Variants in SDC2 observed in about 807,000 individuals in gnomAD.
SDC2 encodes syndecan 2, also known as syndecan-2.
A neutral mutation model predicts 22.2 loss-of-function variants in SDC2; 13 were observed. That is an observed-to-expected ratio of 0.59 (90% confidence interval 0.38 to 0.93). SDC2 has a LOEUF of 0.93. SDC2 is among the 40% of genes least tolerant of loss of function. SDC2 has a pLI of 0.00. For synonymous variants in SDC2, 94 were observed against 92.8 expected (o/e 1.01, Z -0.07); for missense variants, 235 against 246.8 (o/e 0.95, Z 0.32).
intron 1 of SDC2, among the ~76,000 whole-genome samples, chr8:96,587,124 G>A (rs532989886): frequency 3.6e-4 from 54 of 152,086 alleles, no homozygotes; most frequent in African/African-American, 7.2e-4. Flanking sequence ...GGGTTTCACC[G>A]TCTTGGCCAG....
At chr8:96,520,435 G>A (rs137987679) in intron 1 of SDC2, among the ~76,000 whole-genome samples, 10 of 152,306 alleles carry the variant, frequency 6.6e-5, no homozygotes, top group African/African-American at 2.2e-4. Context: ...TTGTCAAAGT[G>A]ATTAGAGGAG....
chr8:96,603,457 A>G (rs1484711609), intron 3 of SDC2, among the ~76,000 whole-genome samples: 3 of 152,238 alleles, frequency 2.0e-5, no homozygotes, highest in Admixed American at 2.0e-4. Context: ...ATGGCTTAAG[A>G]AAACTCAGAA....
At chr8:96,589,407 TTTGTTTG>T (rs1396233698) in intron 1 of SDC2, among the ~76,000 whole-genome samples, 1 of 151,038 alleles carries the variant, frequency 6.6e-6, no homozygotes, top group Non-Finnish European at 1.5e-5. Flanking sequence ...TGTTTGTTTG[TTTGTTTG>T]TTGTTTGTTT....
intron 1 of SDC2, among the ~76,000 whole-genome samples, chr8:96,573,083 C>G (rs1438801670): frequency 6.6e-6 from 1 of 152,114 alleles, no homozygotes; most frequent in Non-Finnish European, 1.5e-5. Context: ...TCAGATGCAT[C>G]TGCATAAATA....
At chr8:96,604,329 G>A (rs1479328136) in intron 3 of SDC2, among the ~76,000 whole-genome samples, 1 of 152,118 alleles carries the variant, frequency 6.6e-6, no homozygotes, top group Non-Finnish European at 1.5e-5. Context: ...TTTGGCAGGT[G>A]AATTTAAAAA....
At chr8:96,548,301 A>G (rs1813969043) in intron 1 of SDC2, among the ~76,000 whole-genome samples, 1 of 152,214 alleles carries the variant, frequency 6.6e-6, no homozygotes, top group Non-Finnish European at 1.5e-5. Context: ...GTACAGTTAC[A>G]GGTTGGGCAT....
At chr8:96,555,763 A>C (rs1441941356) in intron 1 of SDC2, among the ~76,000 whole-genome samples, 1 of 152,128 alleles carries the variant, frequency 6.6e-6, no homozygotes, top group Non-Finnish European at 1.5e-5. Context: ...TTTCTTCACC[A>C]ATGTATTTTC....
rs144214038 is a variant in SDC2 at position 96,506,891 on chromosome 8, C to G, written c.60+12560C>G. Among the ~76,000 whole-genome samples, 854 of 152,002 alleles carry G rather than the reference C, an allele frequency of 5.6e-3. 6 individuals are homozygous for G. The highest frequency in any genetic ancestry group is 0.018 in the African/African-American group (757 of 41,454). ...GGGTGTGGTGGCGGGCGCCTGTAGTCCCAGCTACTCGGGAGGCTGAGGTGG... is the reference window on the plus strand; with the variant it reads ...GGGTGTGGTGGCGGGCGCCTGTAGTGCCAGCTACTCGGGAGGCTGAGGTGG... On this transcript the variant is annotated intron_variant, in intron 1 of 4. Transcript: ENST00000302190.
intron 1 of SDC2, among the ~76,000 whole-genome samples, chr8:96,500,765 C>A (rs1359422869): frequency 1.3e-5 from 2 of 151,508 alleles, no homozygotes; most frequent in African/African-American, 4.9e-5. Flanking sequence ...TTTGATAAGT[C>A]TGTTTCTAGG....
rs372957825 is a variant in SDC2, at chr8:96,575,076, C to T, written c.61-18404C>T. 4.2e-4 allele frequency among the ~76,000 whole-genome samples: 64 copies of T among 152,286 alleles called. No homozygotes were observed. In the South Asian group the frequency reaches 0.011, roughly 26 times the overall value. On this transcript the variant is annotated intron_variant, in intron 1 of 4. Transcript: ENST00000302190. ...GAGCTCAGGTGGTAATGCTCACTGG[C>T]GGCTCACCTCTGCTGTGCAGCCTGG... is the stretch of plus-strand genomic sequence containing the variant.
At chr8:96,542,878 C>T (rs1813874620) in intron 1 of SDC2, among the ~76,000 whole-genome samples, 1 of 152,118 alleles carries the variant, frequency 6.6e-6, no homozygotes, top group South Asian at 2.1e-4. Flanking sequence ...TTAATAGCTC[C>T]CCCTTTAAGA....
At chr8:96,571,499 G>A (rs146664254) in intron 1 of SDC2, among the ~76,000 whole-genome samples, 156 of 152,298 alleles carry the variant, frequency 1.0e-3, no homozygotes, top group African/African-American at 3.7e-3. Context: ...TAAACCATGC[G>A]AAATTGCTGG....
chr8:96,538,966 T>C (rs1215299024), intron 1 of SDC2: 1 of 152,258 alleles, frequency 6.6e-6, no homozygotes, highest in African/African-American at 2.4e-5. Flanking sequence ...GGTTGAGCTG[T>C]CTTTGATTGA....
chr8:96,549,036 A>G (rs1813982410), intron 1 of SDC2, among the ~76,000 whole-genome samples: 1 of 152,162 alleles, frequency 6.6e-6, no homozygotes, highest in Non-Finnish European at 1.5e-5. Context: ...TGCCCCAGTA[A>G]ATTGAACTCG....
chr8:96,593,964 A>G (rs1814829426), intron 2 of SDC2, among the ~76,000 whole-genome samples: 1 of 152,156 alleles, frequency 6.6e-6, no homozygotes, highest in African/African-American at 2.4e-5. Flanking sequence ...TGTCATGGAA[A>G]CCACCCTTCA....
rs1329448270 is a variant in SDC2, at chr8:96,565,097, T to TTTTTTTTTTTTTTTTTTTG, written c.61-28381_61-28380insTTTTTTTTTTTTTTTTGTT. ...ATCCTAAATTTGATTTTTTTTTTTTTTTGTTGAGATGGGGAGTGTTGCTCT... is the reference window on the plus strand; with the variant it reads ...ATCCTAAATTTGATTTTTTTTTTTTTTTTTTTTTTTTTTTTTTTGTTGTTGAGATGGGGAGTGTTGCTCT... On this transcript the variant is annotated intron_variant, in intron 1 of 4. Transcript: ENST00000302190. 8.5e-5 allele frequency among the ~76,000 whole-genome samples: 11 copies of TTTTTTTTTTTTTTTTTTTG among 128,666 alleles called. 1 individual carries two copies. Among genetic ancestry groups the TTTTTTTTTTTTTTTTTTTG allele is most frequent in the African/African-American group, 2.9e-4 (9 of 31,344 alleles). 84.4% of individuals were successfully genotyped at this position (128,666 alleles called of 152,430 possible).
chr8:96,535,982 GAAAAACC>G (rs1813748083), intron 1 of SDC2, among the ~76,000 whole-genome samples: 1 of 152,020 alleles, frequency 6.6e-6, no homozygotes, highest in Admixed American at 6.6e-5. Flanking sequence ...TATAGAAAGG[GAAAAACC>G]AAAAAGAAAT....
Position 96,596,958 on chromosome 8 carries a change from G to C in SDC2, c.172+3367G>C, listed in dbSNP as rs534763790. On this transcript the variant is annotated intron_variant, in intron 2 of 4. Coordinates refer to ENST00000302190, the MANE Select transcript of SDC2 (RefSeq NM_002998.4). ...ATTGGTGGCATTCAGTGGAGGGTGA[G>C]AGTGATGTTAAACTCAGGATGATTG... is the stretch of plus-strand genomic sequence containing the variant. 5.9e-5 allele frequency among the ~76,000 whole-genome samples: 9 copies of C among 152,276 alleles called. No homozygotes were observed. The East Asian group carries it at 1.7e-3, about 29-fold the overall frequency.
rs117199008 is a variant in SDC2 at position 96,543,654 on chromosome 8, C to T, written c.60+49323C>T. ...TCTAGGGTTGCTCCATCAAGCAGCC[C>T]GGCAGTCTTAGCCGCATCCTGTGTC... is the stretch of plus-strand genomic sequence containing the variant. On this transcript the variant is annotated intron_variant, in intron 1 of 4. Transcript: ENST00000302190. 2.7e-3 allele frequency among the ~76,000 whole-genome samples: 417 copies of T among 152,228 alleles called. 12 individuals carry two copies. The East Asian group carries it at 0.069, about 25-fold the overall frequency.
Sources: allele counts gnomAD v4.1 joint callset (sites outside exome capture counted in the v4.1 genomes callset), GRCh38; gene constraint gnomAD v4.1.1; transcripts MANE v1.5; gene names NCBI Gene and HGNC (gene_info 2026-07-23, HGNC 2026-07-21).